The following CENPP variants were observed in gnomAD, a reference collection of about 807,000 sequenced individuals.
CENPP encodes the protein centromere protein P.
CENPP carries 24 observed loss-of-function variants against 35.6 expected under a neutral mutation model. That is an observed-to-expected ratio of 0.67 (90% CI 0.49 to 0.95). CENPP has a LOEUF of 0.95. CENPP is among the 40% of genes least tolerant of loss of function. The pLI, the probability that CENPP is intolerant of heterozygous loss-of-function variation, is 0.00. For synonymous variants in CENPP, 120 were observed against 125.5 expected (o/e 0.96, Z 0.29); for missense variants, 332 against 345.3 (o/e 0.96, Z 0.31).
intron 3 of CENPP, among the ~76,000 whole-genome samples, chr9:92,344,794 C>T (rs1841234625): frequency 6.6e-6 from 1 of 151,270 alleles, no homozygotes; most frequent in Non-Finnish European, 1.5e-5. Flanking sequence ...GGTGATTCAC[C>T]CGCCTCTGCC....
chr9:92,365,695 G>A (rs1434209096), intron 4 of CENPP, among the ~76,000 whole-genome samples: 2 of 151,750 alleles, frequency 1.3e-5, no homozygotes, highest in African/African-American at 2.4e-5. Flanking sequence ...ATAGGCGTGA[G>A]CCACTGTGCC....
At chr9:92,514,071 A>G (rs951000826) in intron 5 of CENPP, among the ~76,000 whole-genome samples, 1 of 152,008 alleles carries the variant, frequency 6.6e-6, no homozygotes, top group South Asian at 2.1e-4. Flanking sequence ...TTCAGGATCA[A>G]TTTTTAGGAT....
intron 5 of CENPP, among the ~76,000 whole-genome samples, chr9:92,479,493 A>G (rs1305266508): frequency 6.6e-6 from 1 of 152,138 alleles, no homozygotes; most frequent in Non-Finnish European, 1.5e-5. Context: ...AGACCTTTGA[A>G]ACAGGAGTTC....
intron 4 of CENPP, among the ~76,000 whole-genome samples, chr9:92,352,380 C>T (rs1841471465): frequency 6.8e-6 from 1 of 146,672 alleles, no homozygotes; most frequent in Admixed American, 6.8e-5. Flanking sequence ...AAAACAAAAC[C>T]AAAACCAAAA....
chr9:92,351,721 C>T (rs552693068), intron 4 of CENPP, among the ~76,000 whole-genome samples: 4 of 152,066 alleles, frequency 2.6e-5, no homozygotes, highest in East Asian at 2.0e-4. Flanking sequence ...ACCTCTACCT[C>T]ACCAGGGATT....
At chr9:92,598,203 C>A (rs944362314) in intron 5 of CENPP, among the ~76,000 whole-genome samples, 3 of 152,128 alleles carry the variant, frequency 2.0e-5, no homozygotes, top group African/African-American at 7.2e-5. Flanking sequence ...TCACAGGGCT[C>A]CTCTCTGTCT....
intron 5 of CENPP, chr9:92,536,172 TA>T (rs149018559): frequency 0.045 from 16,690 of 373,538 alleles, 509 homozygotes; most frequent in South Asian, 0.086. Flanking sequence ...CCAAGGGAAA[TA>T]TTTTTTTTAA....
rs988467451 is a variant in CENPP, at chr9:92,614,538, C to T, written c.*1389C>T. On this transcript the variant is annotated 3_prime_UTR_variant, in exon 8 of 8. Transcript: ENST00000375587. ...TAGAAGTAAATATGACAGAATTGAA[C>T]AATAAATTCTAGAAGAGTTGCCTTG... The T allele has an allele frequency of 3.3e-5, 5 of 152,636 alleles. No individual in the cohort carries two copies. The highest frequency in any genetic ancestry group is 7.3e-5 in the Non-Finnish European group (5 of 68,034). 9.5% of individuals were successfully genotyped at this position (152,636 alleles called of 1,614,324 possible). A position where few individuals can be genotyped will look rare whatever the true frequency, so the allele number is the denominator to read the frequency against.
chr9:92,453,511 C>T (rs139696143), intron 5 of CENPP, among the ~76,000 whole-genome samples: 4,698 of 152,156 alleles, frequency 0.031, 113 homozygotes, highest in South Asian at 0.083. Flanking sequence ...AGGAGAGCTT[C>T]ACTTCCAACT....
intron 5 of CENPP, among the ~76,000 whole-genome samples, chr9:92,510,825 A>T (rs1436342906): frequency 6.6e-6 from 1 of 152,202 alleles, no homozygotes; most frequent in Non-Finnish European, 1.5e-5. Context: ...GGACCCCCTA[A>T]TGCTAGCCAT....
intron 5 of CENPP, among the ~76,000 whole-genome samples, chr9:92,481,053 A>T (rs923716295): frequency 3.9e-5 from 6 of 152,160 alleles, no homozygotes; most frequent in African/African-American, 1.4e-4. Flanking sequence ...CCCTTCATTA[A>T]TTTCTCCACA....
intron 5 of CENPP, among the ~76,000 whole-genome samples, chr9:92,480,030 T>A (rs2131099469): frequency 6.6e-6 from 1 of 152,302 alleles, no homozygotes; most frequent in Admixed American, 6.5e-5. Context: ...TTTGGCTGTT[T>A]TATTTTGAGT....
Position 92,464,837 on chromosome 9 carries a change from C to T in CENPP, c.564+84978C>T, listed in dbSNP as rs191169746. On this transcript the variant is annotated intron_variant, in intron 5 of 7. Transcript: ENST00000375587. ...AGATTTCTAGTTGCAGTGTATACTG[C>T]ACAGTTTACAATATTAGATTGAATC... The T allele has an allele frequency of 3.0e-6, 3 of 1,012,554 alleles. No homozygotes were observed. In the Admixed American group the frequency reaches 5.1e-5, roughly 17 times the overall value. The allele number at this position is 1,012,554 out of a possible 1,614,324, so 62.7% of individuals were successfully genotyped here. A position where few individuals can be genotyped will look rare whatever the true frequency, so the allele number is the denominator to read the frequency against.
At chr9:92,362,138 T>G (rs1193058727) in intron 4 of CENPP, among the ~76,000 whole-genome samples, 1 of 152,204 alleles carries the variant, frequency 6.6e-6, no homozygotes, top group Non-Finnish European at 1.5e-5. Context: ...CTTTGCCATG[T>G]TTCACTTTGT....
At chr9:92,611,528 G>C in intron 6 of CENPP, 135 bp downstream of exon 6, 1 of 678,936 alleles carries the variant, frequency 1.5e-6, no homozygotes, top group South Asian at 1.9e-5. Context: ...AGGAATCAGT[G>C]GTCCCAGCAG....
chr9:92,360,360 C>T (rs1466332190), intron 4 of CENPP, among the ~76,000 whole-genome samples: 1 of 152,106 alleles, frequency 6.6e-6, no homozygotes, highest in Non-Finnish European at 1.5e-5. Flanking sequence ...TGAAAAACTC[C>T]ATTAGTCCAG....
At chr9:92,334,235 C>A (rs532736341) in intron 2 of CENPP, among the ~76,000 whole-genome samples, 8 of 151,840 alleles carry the variant, frequency 5.3e-5, no homozygotes, top group African/African-American at 1.9e-4. Context: ...ATTCTCCTGC[C>A]TCAGCCTCCC....
intron 5 of CENPP, chr9:92,424,389 A>T (rs1843905602): frequency 6.6e-6 from 1 of 152,172 alleles, no homozygotes; most frequent in African/African-American, 2.4e-5. Context: ...ACTCGGGTTG[A>T]ATTAAAATTA....
At chr9:92,495,649 G>C in intron 5 of CENPP, 1 of 920,566 alleles carries the variant, frequency 1.1e-6, no homozygotes, top group Non-Finnish European at 1.3e-6. Flanking sequence ...TTCAAAAAGA[G>C]TATAGAATTT....
Sources: allele counts gnomAD v4.1 joint callset (sites outside exome capture counted in the v4.1 genomes callset), GRCh38; gene constraint gnomAD v4.1.1; transcripts MANE v1.5; gene names NCBI Gene and HGNC (gene_info 2026-07-23, HGNC 2026-07-21).